PTPRD: variants seen among roughly 807,000 people sequenced by gnomAD.
PTPRD encodes the protein protein tyrosine phosphatase receptor type D, also known as receptor-type tyrosine-protein phosphatase delta.
Under a neutral mutation model 214.5 loss-of-function variants are expected in PTPRD, and 34 were observed. The observed-to-expected ratio is 0.16, with a 90% CI of 0.12 to 0.21. The LOEUF (loss-of-function observed/expected upper bound fraction) is 0.21. Ranked by LOEUF, PTPRD falls within the 10% of genes least tolerant of loss-of-function variation. The probability of loss-of-function intolerance (pLI) is 1.00; values close to 1 mark genes in which losing one functional copy is unlikely to be tolerated. For missense variants in PTPRD, 2,545 were observed against 2,398.7 expected (o/e 1.06, Z -1.27); for synonymous variants, 1,128 against 845.7 (o/e 1.33, Z -5.79).
rs1033591766 is a variant in PTPRD, at chr9:9,143,774, G to A, written c.-143+39530C>T. Reference sequence around the variant, plus strand: ...CTCAGAGAGAGGAAGGCTTGAGACTGCCAGTTCTTGGGTAGAAAATCATTA... The same window carrying A: ...CTCAGAGAGAGGAAGGCTTGAGACTACCAGTTCTTGGGTAGAAAATCATTA... On this transcript the variant is annotated intron_variant, in intron 10 of 45. Coordinates refer to ENST00000381196, the MANE Select transcript of PTPRD (RefSeq NM_002839.4). Among the ~76,000 whole-genome samples, 3 of 152,190 alleles carry A rather than the reference G, an allele frequency of 2.0e-5. No homozygotes were observed. In the East Asian group the frequency reaches 5.8e-4, roughly 29 times the overall value.
At chr9:8,541,910 G>C (rs2078534928) in intron 14 of PTPRD, among the ~76,000 whole-genome samples, 2 of 151,890 alleles carry the variant, frequency 1.3e-5, no homozygotes, top group African/African-American at 4.8e-5. Flanking sequence ...TATTCAACAG[G>C]AGTTCAGACA....
At chr9:10,165,813 T>C (rs1484913919) in intron 3 of PTPRD, among the ~76,000 whole-genome samples, 2 of 151,138 alleles carry the variant, frequency 1.3e-5, no homozygotes, top group Non-Finnish European at 3.0e-5. Flanking sequence ...CCCATCTGAA[T>C]ATAATATCAT....
chr9:8,871,571 C>T (rs949700687), intron 11 of PTPRD, among the ~76,000 whole-genome samples: 4 of 152,106 alleles, frequency 2.6e-5, no homozygotes, highest in African/African-American at 9.7e-5. Flanking sequence ...TGATCTTATC[C>T]AGTGACTGAC....
rs2094359038 is a variant in PTPRD at position 10,270,538 on chromosome 9, T to C, written c.-545+70425A>G. On this transcript the variant is annotated intron_variant, in intron 3 of 45. Transcript: ENST00000381196. The stretch of plus-strand genomic sequence containing the variant: ...GAGAAAGCCTAATTTGAATAAGATG[T>C]TAAATGCAGAACTGCCATACAAAAA... 2.0e-5 allele frequency among the ~76,000 whole-genome samples: 3 copies of C among 152,304 alleles called. No homozygotes were observed. The South Asian group carries it at 6.2e-4, about 32-fold the overall frequency.
intron 2 of PTPRD, among the ~76,000 whole-genome samples, chr9:10,568,407 A>T (rs1279383770): frequency 6.6e-6 from 1 of 152,064 alleles, no homozygotes; most frequent in African/African-American, 2.4e-5. Flanking sequence ...TGCTATTGTG[A>T]ATAGTGCCGC....
intron 2 of PTPRD, among the ~76,000 whole-genome samples, chr9:10,393,649 T>TAG (rs199987535): frequency 1.2e-3 from 179 of 144,576 alleles, no homozygotes; most frequent in East Asian, 3.4e-3. Context: ...ATATATATAT[T>TAG]AGAGAGAGAG....
chr9:8,716,573 G>A (rs1047758231), intron 12 of PTPRD, among the ~76,000 whole-genome samples: 3 of 139,822 alleles, frequency 2.1e-5, no homozygotes, highest in Admixed American at 6.8e-5. Flanking sequence ...GCCTATAGTC[G>A]CAGACGAGAT....
intron 9 of PTPRD, among the ~76,000 whole-genome samples, chr9:9,215,336 A>C (rs893512538): frequency 1.3e-5 from 2 of 152,178 alleles, no homozygotes; most frequent in Non-Finnish European, 2.9e-5. Context: ...CTACAAGAGA[A>C]CTGGATTTGC....
At chr9:10,379,248 T>TTGTG (rs971908320) in intron 2 of PTPRD, among the ~76,000 whole-genome samples, 2 of 150,946 alleles carry the variant, frequency 1.3e-5, no homozygotes, top group Non-Finnish European at 1.5e-5. Context: ...ATAGTTTTTT[T>TTGTG]TGTGTGTGTG....
intron 11 of PTPRD, 98 bp from the exon 12 acceptor site, chr9:8,734,044 A>G (rs1290334461): frequency 1.7e-6 from 1 of 596,756 alleles, no homozygotes; most frequent in Non-Finnish European, 3.0e-6. Flanking sequence ...TCACCATGAC[A>G]GACACAATCC....
At chr9:9,714,274 A>T (rs2097782063) in intron 7 of PTPRD, among the ~76,000 whole-genome samples, 1 of 152,104 alleles carries the variant, frequency 6.6e-6, no homozygotes, top group African/African-American at 2.4e-5. Flanking sequence ...CATTAGGTTG[A>T]TATATTTTTG....
At chr9:10,131,096 G>C (rs955553018) in intron 3 of PTPRD, among the ~76,000 whole-genome samples, 1 of 152,200 alleles carries the variant, frequency 6.6e-6, no homozygotes, top group African/African-American at 2.4e-5. Flanking sequence ...CTGGGCTGCA[G>C]AGGAGGTCAC....
chr9:8,454,737 C>A, intron 33 of PTPRD: 1 of 837,042 alleles, frequency 1.2e-6, no homozygotes, highest in East Asian at 2.7e-5. Context: ...TCAGAAGCGA[C>A]AGCGAATCAA....
intron 11 of PTPRD, among the ~76,000 whole-genome samples, chr9:8,928,049 G>A (rs535108039): frequency 3.3e-5 from 5 of 152,050 alleles, no homozygotes; most frequent in African/African-American, 1.2e-4. Flanking sequence ...TTTTTGATGA[G>A]GTTGTCTTTT....
chr9:10,359,521 T>C (rs892944300), intron 2 of PTPRD, among the ~76,000 whole-genome samples: 1 of 152,118 alleles, frequency 6.6e-6, no homozygotes, highest in African/African-American at 2.4e-5. Context: ...AAAATGTACC[T>C]AAGCTTTTCA....
At chr9:8,383,182 T>C (rs528577604) in intron 37 of PTPRD, among the ~76,000 whole-genome samples, 8 of 152,322 alleles carry the variant, frequency 5.3e-5, no homozygotes, top group African/African-American at 1.7e-4. Flanking sequence ...CAATCTCTTT[T>C]TCTACTGCTT....
intron 3 of PTPRD, among the ~76,000 whole-genome samples, chr9:10,259,829 C>T (rs1053003302): frequency 1.1e-4 from 17 of 152,254 alleles, no homozygotes; most frequent in Admixed American, 5.9e-4. Context: ...TTTCCAAAGT[C>T]CCAGGCAGAG....
intron 11 of PTPRD, among the ~76,000 whole-genome samples, chr9:8,831,634 T>C (rs2097294076): frequency 6.6e-6 from 1 of 152,174 alleles, no homozygotes; most frequent in Non-Finnish European, 1.5e-5. Flanking sequence ...TAAAATGTAA[T>C]GTCCTGAATG....
chr9:10,439,997 G>A (rs1845564), intron 2 of PTPRD, among the ~76,000 whole-genome samples: 12,765 of 150,846 alleles, frequency 0.085, 892 homozygotes, highest in African/African-American at 0.18. Context: ...CATGTATCCT[G>A]GAACTTAAAG....
Sources: allele counts gnomAD v4.1 joint callset (sites outside exome capture counted in the v4.1 genomes callset), GRCh38; gene constraint gnomAD v4.1.1; transcripts MANE v1.5; gene names NCBI Gene and HGNC (gene_info 2026-07-23, HGNC 2026-07-21).